SPSB1: variants seen among roughly 807,000 people sequenced by gnomAD.
SPSB1 encodes splA/ryanodine receptor domain and SOCS box containing 1, also known as SPRY domain-containing SOCS box protein 1.
A neutral mutation model predicts 21.2 loss-of-function variants in SPSB1; 8 were observed. The ratio of observed to expected loss-of-function variants is 0.38; its 90% CI spans 0.22 to 0.68. The LOEUF (loss-of-function observed/expected upper bound fraction) is 0.68. SPSB1 is among the 30% of genes least tolerant of loss of function. SPSB1 has a pLI of 0.53. For synonymous variants in SPSB1, 169 were observed against 161.7 expected (o/e 1.05, Z -0.34); for missense variants, 242 against 377.8 (o/e 0.64, Z 2.98).
chr1:9,301,907 G>A (rs1199241928), intron 1 of SPSB1, among the ~76,000 whole-genome samples: 2 of 152,248 alleles, frequency 1.3e-5, no homozygotes, highest in Admixed American at 6.5e-5. Context: ...CCTTACTGGA[G>A]CAGGCACTTA....
intron 1 of SPSB1, among the ~76,000 whole-genome samples, chr1:9,331,815 C>T (rs774807703): frequency 1.3e-4 from 20 of 152,142 alleles, no homozygotes; most frequent in African/African-American, 2.4e-4. Flanking sequence ...GTGCAACGTG[C>T]GATCTCATTA....
At chr1:9,334,063 A>G (rs1639966509) in intron 1 of SPSB1, among the ~76,000 whole-genome samples, 1 of 152,198 alleles carries the variant, frequency 6.6e-6, no homozygotes, top group African/African-American at 2.4e-5. Flanking sequence ...TGTAGCAAAT[A>G]CATATAACAT....
At chr1:9,330,780 A>G (rs77453762) in intron 1 of SPSB1, among the ~76,000 whole-genome samples, 2,811 of 152,058 alleles carry the variant, frequency 0.018, 96 homozygotes, top group African/African-American at 0.065. Flanking sequence ...CGTGCAGTTC[A>G]GTAGCGTTGA....
chr1:9,312,490 A>G (rs1639537356), intron 1 of SPSB1, among the ~76,000 whole-genome samples: 1 of 152,168 alleles, frequency 6.6e-6, no homozygotes, highest in African/African-American at 2.4e-5. Context: ...TTATTAGTGC[A>G]CACATGTGGT....
At chr1:9,294,028 CTGTG>C (rs60016245) in intron 1 of SPSB1, among the ~76,000 whole-genome samples, 50,373 of 150,080 alleles carry the variant, frequency 0.34, 9,258 homozygotes, top group African/African-American at 0.49. Flanking sequence ...CTCTAAGTGA[CTGTG>C]TGTGTGTGTG....
chr1:9,334,710 C>T (rs2100495644), intron 1 of SPSB1, among the ~76,000 whole-genome samples: 1 of 152,254 alleles, frequency 6.6e-6, no homozygotes, highest in South Asian at 2.1e-4. Flanking sequence ...CATTCCTGCT[C>T]CCCGGAGCTC....
intron 1 of SPSB1, among the ~76,000 whole-genome samples, chr1:9,355,306 G>A (rs887888532): frequency 7.2e-5 from 11 of 152,186 alleles, no homozygotes; most frequent in Admixed American, 6.5e-4. Flanking sequence ...CTGCTACCTG[G>A]GGCTCCACTT....
At chr1:9,357,741 G>C (rs1033984634) in intron 2 of SPSB1, among the ~76,000 whole-genome samples, 1 of 152,220 alleles carries the variant, frequency 6.6e-6, no homozygotes. Context: ...CCCATGTGTA[G>C]GGGCACCGTG....
At chr1:9,331,826 C>T (rs1022303119) in intron 1 of SPSB1, among the ~76,000 whole-genome samples, 6 of 152,324 alleles carry the variant, frequency 3.9e-5, no homozygotes, top group African/African-American at 7.2e-5. Context: ...GATCTCATTA[C>T]TGCTTTTCTT....
rs1378671391 is a variant in SPSB1 at position 9,293,053 on chromosome 1, C to T, written c.-168C>T. 3 of 980,706 alleles carry T rather than the reference C, an allele frequency of 3.1e-6. No individual in the cohort carries two copies. Among genetic ancestry groups the T allele is most frequent in the Non-Finnish European group, 3.6e-6 (3 of 827,156 alleles). 60.8% of individuals were successfully genotyped at this position (980,706 alleles called of 1,614,324 possible). A position where few individuals can be genotyped will look rare whatever the true frequency, so the allele number is the denominator to read the frequency against. Reference sequence around the variant, plus strand: ...CCTCGGCCTTGGAGAGCAGCGGCGGCGGCGGCACCCCGGGCGCGGTAGGCG... The same window carrying T: ...CCTCGGCCTTGGAGAGCAGCGGCGGTGGCGGCACCCCGGGCGCGGTAGGCG... On this transcript the variant is annotated 5_prime_UTR_variant, in exon 1 of 3. Transcript: ENST00000328089. This position sits in a 1 kb window ranked among gnomAD's most constrained non-coding sequence, Gnocchi z 5.1.
chr1:9,341,322 G>A (rs147964349), intron 1 of SPSB1, among the ~76,000 whole-genome samples: 18 of 152,294 alleles, frequency 1.2e-4, no homozygotes, highest in Non-Finnish European at 2.1e-4. Context: ...GGGAGAGTTC[G>A]GAGATGCAGG....
At chr1:9,359,071 A>C (rs1048659713) in intron 2 of SPSB1, among the ~76,000 whole-genome samples, 1 of 152,224 alleles carries the variant, frequency 6.6e-6, no homozygotes, top group Non-Finnish European at 1.5e-5. Flanking sequence ...CGCATCTGTG[A>C]GCTGGAATCT....
intron 1 of SPSB1, among the ~76,000 whole-genome samples, chr1:9,318,961 G>A (rs1288825267): frequency 3.9e-5 from 6 of 152,130 alleles, no homozygotes; most frequent in Non-Finnish European, 4.4e-5. Flanking sequence ...AGGCTGAGGC[G>A]GGCACATCAC....
intron 1 of SPSB1, among the ~76,000 whole-genome samples, chr1:9,325,238 G>GT (rs1557453365): frequency 2.3e-5 from 3 of 131,370 alleles, no homozygotes; most frequent in Admixed American, 7.4e-5. Flanking sequence ...CCCCCCCCCC[G>GT]CCCCGCCTCC....
At chr1:9,337,375 G>A (rs1347623988) in intron 1 of SPSB1, among the ~76,000 whole-genome samples, 3 of 152,130 alleles carry the variant, frequency 2.0e-5, no homozygotes, top group Non-Finnish European at 2.9e-5. Flanking sequence ...CTCAGGGGAG[G>A]AGTGTGGCCA....
chr1:9,344,672 CTTA>C (rs1285680603), intron 1 of SPSB1, among the ~76,000 whole-genome samples: 1 of 137,840 alleles, frequency 7.3e-6, no homozygotes, highest in Non-Finnish European at 1.6e-5. Flanking sequence ...CGCTGCCCTT[CTTA>C]TTCTTATTCC....
intron 1 of SPSB1, among the ~76,000 whole-genome samples, chr1:9,333,724 A>T (rs1307523843): frequency 6.6e-6 from 1 of 152,134 alleles, no homozygotes; most frequent in Non-Finnish European, 1.5e-5. Flanking sequence ...GGGGAAGAGC[A>T]CAGTCATTTT....
intron 1 of SPSB1, among the ~76,000 whole-genome samples, chr1:9,320,719 C>T (rs1244154318): frequency 1.3e-5 from 2 of 152,244 alleles, no homozygotes; most frequent in African/African-American, 4.8e-5. Context: ...CCGGGCTCGC[C>T]TCTCTCGGCT....
intron 1 of SPSB1, among the ~76,000 whole-genome samples, chr1:9,344,223 C>T (rs1301087767): frequency 6.6e-6 from 1 of 152,182 alleles, no homozygotes; most frequent in African/African-American, 2.4e-5. Context: ...TCCTAGTTCC[C>T]TGGAGGGCTC....
Sources: gnomAD v4.1 joint callset for allele counts (sites outside exome capture counted in the v4.1 genomes callset) on GRCh38, gnomAD v4.1.1 for gene constraint, Gnocchi (gnomAD v3.1) non-coding constraint, MANE v1.5 for transcripts, NCBI Gene and HGNC (gene_info 2026-07-23, HGNC 2026-07-21) for gene names.